Variants in ARHGAP12 observed in about 807,000 individuals in gnomAD.
ARHGAP12 encodes rho GTPase-activating protein 12.
In ARHGAP12, 64 loss-of-function variants were observed where a neutral mutation model predicts 108.6. The ratio of observed to expected loss-of-function variants is 0.59; its 90% CI spans 0.48 to 0.73. ARHGAP12 has a LOEUF of 0.73. Ranked by LOEUF, ARHGAP12 falls within the 30% of genes least tolerant of loss-of-function variation. The pLI is 0.00. For synonymous variants in ARHGAP12, 312 were observed against 337.2 expected, an observed-to-expected ratio of 0.93 and a Z score of 0.82; for missense variants, 940 against 1,005.9, an observed-to-expected ratio of 0.93 and a Z score of 0.89.
intron 3 of ARHGAP12, among the ~76,000 whole-genome samples, chr10:31,906,862 C>T (rs1159746276): frequency 6.6e-6 from 1 of 152,086 alleles, no homozygotes; most frequent in Non-Finnish European, 1.5e-5. Flanking sequence ...TTCCTAAGGC[C>T]CATTAGTTCC....
intron 3 of ARHGAP12, among the ~76,000 whole-genome samples, chr10:31,884,997 A>G (rs953945834): frequency 1.1e-4 from 17 of 152,124 alleles, no homozygotes; most frequent in African/African-American, 4.1e-4. Flanking sequence ...ATATTTATAG[A>G]GTACATGAGA....
chr10:31,883,402 T>C (rs574509738), intron 3 of ARHGAP12, among the ~76,000 whole-genome samples: 7 of 152,348 alleles, frequency 4.6e-5, no homozygotes, highest in Non-Finnish European at 1.0e-4. Context: ...AGGTGAGAAA[T>C]GGTGTCAATT....
At chr10:31,864,559 T>G (rs1002315998) in intron 3 of ARHGAP12, among the ~76,000 whole-genome samples, 3 of 152,218 alleles carry the variant, frequency 2.0e-5, no homozygotes, top group Non-Finnish European at 4.4e-5. Flanking sequence ...CAGGAGCACT[T>G]AATGTAATTT....
At chr10:31,858,561 C>T (rs1427018910) in intron 4 of ARHGAP12, among the ~76,000 whole-genome samples, 2 of 152,134 alleles carry the variant, frequency 1.3e-5, no homozygotes, top group Admixed American at 6.5e-5. Context: ...CCTGTCTCGG[C>T]GGCATCTCTG....
chr10:31,892,879 A>G (rs1298408501), intron 3 of ARHGAP12, among the ~76,000 whole-genome samples: 1 of 152,224 alleles, frequency 6.6e-6, no homozygotes, highest in Admixed American at 6.5e-5. Flanking sequence ...ATGTAAAATA[A>G]CAGAAATTAT....
intron 1 of ARHGAP12, among the ~76,000 whole-genome samples, chr10:31,912,446 A>G (rs1280382877): frequency 6.6e-6 from 1 of 152,238 alleles, no homozygotes; most frequent in African/African-American, 2.4e-5. Context: ...TCCACATTCA[A>G]TCTCTTTCAC....
At chr10:31,871,694 T>C (rs1240800135) in intron 3 of ARHGAP12, among the ~76,000 whole-genome samples, 1 of 152,206 alleles carries the variant, frequency 6.6e-6, no homozygotes, top group African/African-American at 2.4e-5. Flanking sequence ...TGCAAGCAGA[T>C]TATTGCAGCA....
At chr10:31,886,311 T>C (rs117649875) in intron 3 of ARHGAP12, among the ~76,000 whole-genome samples, 113 of 152,306 alleles carry the variant, frequency 7.4e-4, no homozygotes, top group Non-Finnish European at 1.4e-3. Flanking sequence ...TGCCAGCTTC[T>C]CAACCATATT....
intron 1 of ARHGAP12, among the ~76,000 whole-genome samples, chr10:31,926,241 A>G (rs2132513144): frequency 6.6e-6 from 1 of 152,316 alleles, no homozygotes; most frequent in South Asian, 2.1e-4. Flanking sequence ...AAACTGCAGA[A>G]TATTCATTAA....
chr10:31,855,559 A>G (rs1006590692), intron 4 of ARHGAP12, among the ~76,000 whole-genome samples: 2 of 152,248 alleles, frequency 1.3e-5, no homozygotes, highest in Non-Finnish European at 2.9e-5. Context: ...AGTGAATTAT[A>G]TATGTTTTAC....
chr10:31,852,812 GGTTCAAGCA>G, intron 5 of ARHGAP12, among the ~76,000 whole-genome samples: 1 of 144,340 alleles, frequency 6.9e-6, no homozygotes, highest in Non-Finnish European at 1.5e-5. Flanking sequence ...CCACCTCCCA[GGTTCAAGCA>G]GTTCAAGCAA....
chr10:31,824,406 T>C lies in ARHGAP12; in HGVS notation c.1530+1898A>G, dbSNP rs967938653. 5.3e-5 allele frequency among the ~76,000 whole-genome samples: 8 copies of C among 152,288 alleles called. No individual in the cohort carries two copies. In the South Asian group the frequency reaches 6.2e-4, roughly 12 times the overall value. ...GTGATTCCCTGTAATTAAAAATTCA[T>C]TGAGAATTCTAAAATTTCAAATTGG... is the stretch of plus-strand genomic sequence containing the variant. On this transcript the variant is annotated intron_variant, in intron 11 of 19. Coordinates refer to ENST00000344936, the MANE Select transcript of ARHGAP12 (RefSeq NM_018287.7).
chr10:31,828,718 T>C (rs1286788578), intron 10 of ARHGAP12, among the ~76,000 whole-genome samples: 1 of 152,154 alleles, frequency 6.6e-6, no homozygotes, highest in Non-Finnish European at 1.5e-5. Flanking sequence ...GGAACCCCAT[T>C]TTTTCTCCTG....
chr10:31,877,934 A>T lies in ARHGAP12; in HGVS notation c.685-16276T>A, dbSNP rs575396421. 3.9e-5 allele frequency among the ~76,000 whole-genome samples: 6 copies of T among 152,272 alleles called. No homozygotes were observed. In the South Asian group the frequency reaches 1.2e-3, roughly 32 times the overall value. ...TGGAGAAACCCTGTCTCTACAAAAA[A>T]TTAACTGGGTGTGGTGACACATGCC... On this transcript the variant is annotated intron_variant, in intron 3 of 19. Transcript: ENST00000344936.
At chr10:31,889,589 G>C (rs894144376) in intron 3 of ARHGAP12, among the ~76,000 whole-genome samples, 3 of 141,728 alleles carry the variant, frequency 2.1e-5, no homozygotes, top group African/African-American at 7.9e-5. Context: ...TGAATCTAAG[G>C]ATTTTGATTT....
At chr10:31,859,372 A>C (rs1353308671) in intron 4 of ARHGAP12, among the ~76,000 whole-genome samples, 1 of 152,256 alleles carries the variant, frequency 6.6e-6, no homozygotes, top group East Asian at 1.9e-4. Flanking sequence ...ATTAAAGTTC[A>C]AAATGCCTCA....
chr10:31,871,181 C>G (rs1592316289), intron 3 of ARHGAP12, among the ~76,000 whole-genome samples: 1 of 152,162 alleles, frequency 6.6e-6, no homozygotes, highest in Non-Finnish European at 1.5e-5. Context: ...TAGTGAAGGG[C>G]ACTTCAAGCA....
intron 3 of ARHGAP12, among the ~76,000 whole-genome samples, chr10:31,866,225 A>G (rs1473211886): frequency 6.6e-6 from 1 of 152,242 alleles, no homozygotes; most frequent in African/African-American, 2.4e-5. Context: ...ACTAGACAGT[A>G]TCAAATTCAA....
At position 31,814,324 on chromosome 10, in the gene ARHGAP12, G is replaced by C. The variant is rs142283537; in HGVS notation, c.1769C>G (p.Pro590Arg). The change falls in exon 14 of 20, where the codon CCG becomes CGG. Residue 590 changes from proline to arginine, a missense_variant. Pro to Arg is a moderately radical substitution (Grantham distance 103). Coordinates refer to ENST00000344936, the MANE Select transcript of ARHGAP12 (RefSeq NM_018287.7). ...ETDEGIEEEIPDSPGIEKHDK... is the reference protein window; with the variant it reads ...ETDEGIEEEIRDSPGIEKHDK... Reference sequence around the variant, plus strand: ...ATGCTTTTCTATTCCTGGTGAATCCGGTATCTCCTCTTCAATTCCTTCATC... The same window carrying C: ...ATGCTTTTCTATTCCTGGTGAATCCCGTATCTCCTCTTCAATTCCTTCATC... The C allele has an allele frequency of 1.2e-6, 2 of 1,613,816 alleles. No individual in the cohort carries two copies. Among genetic ancestry groups the C allele is most frequent in the South Asian group, 1.1e-5 (1 of 91,056 alleles).
Sources: gnomAD v4.1 joint callset for allele counts (sites outside exome capture counted in the v4.1 genomes callset) on GRCh38, gnomAD v4.1.1 for gene constraint, MANE v1.5 for transcripts, NCBI Gene and HGNC (gene_info 2026-07-23, HGNC 2026-07-21) for gene names.